The following CRIP1 variants were observed in gnomAD, a reference collection of about 807,000 sequenced individuals.
CRIP1 encodes cysteine-rich protein 1.
In CRIP1, 11 loss-of-function variants were observed where a neutral mutation model predicts 12.9. The ratio of observed to expected loss-of-function variants is 0.86; its 90% CI spans 0.54 to 1.42. The LOEUF (loss-of-function observed/expected upper bound fraction) is 1.42. Among genes scored for constraint, CRIP1 ranks in the 40% most tolerant of loss-of-function variants. The pLI, the probability that CRIP1 is intolerant of heterozygous loss-of-function variation, is 0.00. For missense variants in CRIP1, 122 were observed against 101.3 expected, an observed-to-expected ratio of 1.20 and a Z score of -0.88; for synonymous variants, 41 against 37.2, an observed-to-expected ratio of 1.10 and a Z score of -0.37.
chr14:105,488,404 C>T lies in CRIP1; in HGVS notation c.193+16C>T. On this transcript the variant is annotated intron_variant, in intron 4 of 5. Transcript: ENST00000392531. ...GGGCCTAAAGGTATGCTCCCGTCAT[C>T]CCCACCCCACCCCACCCCACAGCCT... 4.0e-6 allele frequency: 3 copies of T among 747,082 alleles called. No individual in the cohort carries two copies. The highest frequency in any genetic ancestry group is 6.5e-6 in the Non-Finnish European group (3 of 460,336). The allele number at this position is 747,082 out of a possible 1,614,324, so 46.3% of individuals were successfully genotyped here. A position where few individuals can be genotyped will look rare whatever the true frequency, so the allele number is the denominator to read the frequency against.
intron 2 of CRIP1, chr14:105,487,930 G>A (rs587615453): frequency 2.7e-4 from 149 of 546,784 alleles, no homozygotes; most frequent in African/African-American, 2.1e-3. Context: ...GGCCGCACCC[G>A]AAAGTGCCCC....
chr14:105,488,245 TG>T lies in CRIP1; in HGVS notation c.125del (p.Gly42AlafsTer?). On this transcript the variant is annotated frameshift_variant, in exon 3 of 6. Coordinates refer to ENST00000392531, the MANE Select transcript of CRIP1 (RefSeq NM_001311.5). LOFTEE classifies it high-confidence loss of function. ...CEKCGKTLTS[G>X]GHAEHEGKPY... ...AGAAATGTGGGAAGACGCTGACCTCTGGGGGCCACGCTGAGGTAGGTGGGAC... is the reference window on the plus strand; with the variant it reads ...AGAAATGTGGGAAGACGCTGACCTCTGGGGCCACGCTGAGGTAGGTGGGAC... The T allele has an allele frequency of 6.2e-7, 1 of 1,613,428 alleles. No individual in the cohort carries two copies. The highest frequency in any genetic ancestry group is 8.5e-7 in the Non-Finnish European group (1 of 1,180,002).
At chr14:105,487,176 C>T in intron 1 of CRIP1, 23 bp from the exon 2 acceptor site, 1 of 1,510,706 alleles carries the variant, frequency 6.6e-7, no homozygotes, top group East Asian at 2.6e-5. Flanking sequence ...CTGAAAGGCG[C>T]GGACCAGGCC....
At chr14:105,487,603 C>A in intron 2 of CRIP1, 1 of 344,472 alleles carries the variant, frequency 2.9e-6, no homozygotes, top group Non-Finnish European at 5.2e-6. Flanking sequence ...GTGGGGGACC[C>A]GCAGGGCTGG....
rs1343702088 is a variant in CRIP1 at position 105,488,189 on chromosome 14, A to G, written c.64A>G (p.Lys22Glu). 6.2e-7 allele frequency: 1 copy of G among 1,613,032 alleles called. No individual in the cohort carries two copies. The highest frequency in any genetic ancestry group is 2.2e-5 in the East Asian group (1 of 44,874). The part of the protein sequence containing the change: ...YFAERVTSLG[K>E]DWHRPCLKCE... Reference sequence around the variant, plus strand: ...AGCCGAGAGGGTGACCTCTCTGGGCAAGGACTGGCATCGGCCCTGCCTGAA... The same window carrying G: ...AGCCGAGAGGGTGACCTCTCTGGGCGAGGACTGGCATCGGCCCTGCCTGAA... The change falls in exon 3 of 6, where the codon AAG (lysine) becomes GAG (glutamate). Residue 22 changes from lysine (K) to glutamate (E), a missense_variant. Physicochemically the swap from Lys to Glu is moderately conservative, Grantham distance 56. Coordinates refer to ENST00000392531, the MANE Select transcript of CRIP1 (RefSeq NM_001311.5).
intron 2 of CRIP1, 161 bp from the exon 3 acceptor site, chr14:105,488,005 A>C (rs1055457049): frequency 7.7e-6 from 5 of 646,978 alleles, no homozygotes; most frequent in African/African-American, 1.8e-5. Context: ...TGTTCCCCTC[A>C]TGGAGGGTGC....
intron 2 of CRIP1, 63 bp from the exon 3 acceptor site, chr14:105,488,101 ACG>A: frequency 6.6e-7 from 1 of 1,517,210 alleles, no homozygotes; most frequent in Admixed American, 1.7e-5. Flanking sequence ...AGAGGCGGGT[ACG>A]CCAGTGGTGG....
At position 105,488,721 on chromosome 14, in the gene CRIP1, C is replaced by T. The variant is rs1567069911; in HGVS notation, c.*64C>T. Reference sequence around the variant, plus strand: ...GCCACTGTCCAGGCAAATGCCAGGCCTTGTCCCCAGATGCCCAGGGCTCCC... The same window carrying T: ...GCCACTGTCCAGGCAAATGCCAGGCTTTGTCCCCAGATGCCCAGGGCTCCC... On this transcript the variant is annotated 3_prime_UTR_variant, in exon 6 of 6. Transcript: ENST00000392531. The T allele has an allele frequency of 1.6e-6, 1 of 611,530 alleles. No homozygotes were observed. Among genetic ancestry groups the T allele is most frequent in the Non-Finnish European group, 2.9e-6 (1 of 344,982 alleles). The allele number at this position is 611,530 out of a possible 1,614,324, so 37.9% of individuals were successfully genotyped here. A position where few individuals can be genotyped will look rare whatever the true frequency, so the allele number is the denominator to read the frequency against.
chr14:105,488,744 C>T lies in CRIP1; in HGVS notation c.*87C>T. Reference sequence around the variant, plus strand: ...GCCTTGTCCCCAGATGCCCAGGGCTCCCTTGTTGCCCCTAATGCTCTCAGT... The same window carrying T: ...GCCTTGTCCCCAGATGCCCAGGGCTTCCTTGTTGCCCCTAATGCTCTCAGT... On this transcript the variant is annotated 3_prime_UTR_variant, in exon 6 of 6. Coordinates refer to ENST00000392531, the MANE Select transcript of CRIP1 (RefSeq NM_001311.5). 1.7e-6 allele frequency: 1 copy of T among 587,772 alleles called. No individual in the cohort carries two copies. The highest frequency in any genetic ancestry group is 2.8e-5 in the East Asian group (1 of 36,050). The allele number at this position is 587,772 out of a possible 1,614,324, so 36.4% of individuals were successfully genotyped here.
intron 5 of CRIP1, 46 bp from the exon 6 acceptor site, chr14:105,488,617 G>T (rs1220306265): frequency 3.3e-6 from 4 of 1,202,968 alleles, no homozygotes; most frequent in African/African-American, 1.5e-5. Flanking sequence ...CCCAAAGGAG[G>T]CCGTGGACGC....
At chr14:105,487,096 G>A (rs1017315899) in intron 1 of CRIP1, 103 bp from the exon 2 acceptor site, 41 of 1,376,138 alleles carry the variant, frequency 3.0e-5, no homozygotes, top group Middle Eastern at 2.7e-4. Flanking sequence ...AGGTCCCCAG[G>A]GTCCAAGTCC....
At chr14:105,488,079 G>C in intron 2 of CRIP1, 87 bp from the exon 3 acceptor site, 1 of 1,435,310 alleles carries the variant, frequency 7.0e-7, no homozygotes, top group East Asian at 2.3e-5. Flanking sequence ...GCCTTGGGCA[G>C]AGCTGGCTGC....
At chr14:105,488,617 G>A in intron 5 of CRIP1, 46 bp from the exon 6 acceptor site, 2 of 1,203,086 alleles carry the variant, frequency 1.7e-6, no homozygotes, top group South Asian at 1.4e-5. Context: ...CCCAAAGGAG[G>A]CCGTGGACGC....
chr14:105,488,597 A>T, intron 5 of CRIP1, 66 bp from the exon 6 acceptor site: 2 of 1,426,334 alleles, frequency 1.4e-6, no homozygotes, highest in Non-Finnish European at 1.9e-6. Flanking sequence ...AGGCCTGACC[A>T]CTCGTGGGCC....
At chr14:105,488,012 G>T in intron 2 of CRIP1, 154 bp from the exon 3 acceptor site, 2 of 672,680 alleles carry the variant, frequency 3.0e-6, no homozygotes, top group Middle Eastern at 4.1e-4. Context: ...CTCATGGAGG[G>T]TGCTGAGACC....
intron 2 of CRIP1, chr14:105,487,771 G>A (rs1365655623): frequency 8.9e-6 from 2 of 225,228 alleles, no homozygotes; most frequent in Non-Finnish European, 1.7e-5. Context: ...TCCCCGCCGA[G>A]AAGGGCTGTC....
chr14:105,487,118 G>A, intron 1 of CRIP1, 81 bp from the exon 2 acceptor site: 2 of 1,408,978 alleles, frequency 1.4e-6, no homozygotes, highest in Non-Finnish European at 9.3e-7. Flanking sequence ...GGGTTCAGAG[G>A]GCGGGGCGCG....
intron 2 of CRIP1, chr14:105,487,937 C>T: frequency 1.8e-6 from 1 of 555,508 alleles, no homozygotes; most frequent in South Asian, 2.2e-5. Flanking sequence ...CCCGAAAGTG[C>T]CCCGGGGACC....
intron 2 of CRIP1, 74 bp from the exon 3 acceptor site, chr14:105,488,092 G>T: frequency 6.7e-7 from 1 of 1,487,840 alleles, no homozygotes. Flanking sequence ...CTGGCTGCAA[G>T]AGGCGGGTAC....
Sources: allele counts gnomAD v4.1 joint callset, GRCh38; gene constraint gnomAD v4.1.1; transcripts MANE v1.5; gene names NCBI Gene and HGNC (gene_info 2026-07-23, HGNC 2026-07-21).